The following UGP2 variants were observed in gnomAD, a reference collection of about 807,000 sequenced individuals.
The protein encoded by UGP2 is UDP-glucose pyrophosphorylase 2.
In UGP2, 40 loss-of-function variants were observed where a neutral mutation model predicts 49.0. The ratio of observed to expected loss-of-function variants is 0.82; its 90% CI spans 0.63 to 1.06. The LOEUF is 1.06. UGP2 is among the 50% of genes least tolerant of loss of function. The pLI is 0.00. For missense variants in UGP2, 460 were observed against 603.5 expected, an observed-to-expected ratio of 0.76 and a Z score of 2.49; for synonymous variants, 225 against 213.0, an observed-to-expected ratio of 1.06 and a Z score of -0.49.
intron 2 of UGP2, chr2:63,857,550 AC>A (rs1558939448): frequency 4.2e-6 from 2 of 477,122 alleles, no homozygotes; most frequent in African/African-American, 2.0e-5. Flanking sequence ...TTTTTTGTAG[AC>A]ACCGGGTTTT....
chr2:63,887,513 G>C lies in UGP2; in HGVS notation c.1183G>C (p.Val395Leu). ...INVPRSRFLP[V>L]KTTSDLLLVM... Reference sequence around the variant, plus strand: ...TGTGCCAAGGAGCCGTTTTCTGCCTGTCAAAACCACATCAGATCTCTTGCT... The same window carrying C: ...TGTGCCAAGGAGCCGTTTTCTGCCTCTCAAAACCACATCAGATCTCTTGCT... Residue 395 changes from valine to leucine, a missense_variant, in exon 8 of 10, where the codon GTC (valine) becomes CTC (leucine). Val to Leu is a conservative substitution (Grantham distance 32). Transcript: ENST00000337130. The C allele has an allele frequency of 4.3e-6, 7 of 1,614,068 alleles. No individual in the cohort carries two copies. The highest frequency in any genetic ancestry group is 5.1e-6 in the Non-Finnish European group (6 of 1,180,018).
At chr2:63,863,663 T>A (rs547616762) in intron 3 of UGP2, among the ~76,000 whole-genome samples, 64 of 152,358 alleles carry the variant, frequency 4.2e-4, no homozygotes, top group African/African-American at 1.5e-3. Context: ...AGATACACTA[T>A]TTTTAACTAG....
intron 2 of UGP2, chr2:63,856,954 G>A (rs981111446): frequency 6.2e-5 from 24 of 388,304 alleles, no homozygotes; most frequent in Non-Finnish European, 1.1e-4. Flanking sequence ...ATTTCTTTTT[G>A]TTCTTTTAGT....
chr2:63,852,815 A>C (rs188412017), intron 1 of UGP2, among the ~76,000 whole-genome samples: 30 of 152,330 alleles, frequency 2.0e-4, no homozygotes, highest in Non-Finnish European at 3.7e-4. Context: ...GGAAGAGCCA[A>C]CTGTGACTGT....
At chr2:63,850,495 T>TTTTTTCTATA (rs749584053) in intron 1 of UGP2, among the ~76,000 whole-genome samples, 3 of 152,262 alleles carry the variant, frequency 2.0e-5, no homozygotes, top group Non-Finnish European at 4.4e-5. Context: ...ACATGGAATA[T>TTTTTTCTATA]TTTTTCTATA....
intron 3 of UGP2, among the ~76,000 whole-genome samples, chr2:63,861,570 C>G (rs1272929517): frequency 6.6e-6 from 1 of 150,444 alleles, no homozygotes; most frequent in Non-Finnish European, 1.5e-5. Context: ...TACCTGTAGT[C>G]CCAGCTACTT....
intron 9 of UGP2, 115 bp from the exon 10 acceptor site, chr2:63,891,005 A>T (rs896826001): frequency 2.1e-5 from 14 of 671,768 alleles, no homozygotes; most frequent in Admixed American, 3.4e-5. Flanking sequence ...TATTGTTTAT[A>T]AAAAAAGTTA....
intron 3 of UGP2, among the ~76,000 whole-genome samples, chr2:63,865,293 C>T (rs987584049): frequency 2.0e-5 from 3 of 152,192 alleles, no homozygotes; most frequent in African/African-American, 7.2e-5. Context: ...GGGAAGGAGG[C>T]TGTGGCTGCC....
At chr2:63,879,802 A>G (rs1272723508) in intron 3 of UGP2, among the ~76,000 whole-genome samples, 1 of 152,238 alleles carries the variant, frequency 6.6e-6, no homozygotes. Flanking sequence ...ATTGGAAGAC[A>G]GGCCTGTCCT....
chr2:63,856,142 C>A, intron 1 of UGP2, 164 bp from the exon 2 acceptor site: 2 of 731,160 alleles, frequency 2.7e-6, no homozygotes, highest in Non-Finnish European at 4.2e-6. Flanking sequence ...TGGAGTGAAA[C>A]GAGTCCTAAC....
At chr2:63,864,206 G>T (rs1316220656) in intron 3 of UGP2, among the ~76,000 whole-genome samples, 3 of 152,126 alleles carry the variant, frequency 2.0e-5, no homozygotes, top group African/African-American at 7.2e-5. Flanking sequence ...ATTCATAACA[G>T]ACCTGGAAGA....
At chr2:63,861,835 G>GT (rs1404325678) in intron 3 of UGP2, among the ~76,000 whole-genome samples, 5 of 152,056 alleles carry the variant, frequency 3.3e-5, no homozygotes, top group Non-Finnish European at 7.4e-5. Flanking sequence ...CATCAATGTG[G>GT]TATTTAGCTC....
chr2:63,865,485 G>C (rs908209597), intron 3 of UGP2, among the ~76,000 whole-genome samples: 1 of 151,180 alleles, frequency 6.6e-6, no homozygotes, highest in Non-Finnish European at 1.5e-5. Context: ...CTTCTACCTA[G>C]AGAGAATGAA....
In UGP2 at chr2:63,885,760, G is replaced by A. The variant is rs774542056; in HGVS notation, c.747G>A (p.Val249=). 1.9e-6 allele frequency: 3 copies of A among 1,613,742 alleles called. No individual in the cohort carries two copies. Among genetic ancestry groups the A allele is most frequent in the East Asian group, 2.2e-5 (1 of 44,828 alleles). ...GAGAAGGCAAAGAGTATATTTTTGT[G>A]TCTAACATAGATAATCTGGGTGCCA... ...FIGEGKEYIF[V]SNIDNLGATV... Residue 249 remains valine (V), a synonymous_variant, in exon 6 of 10, where the codon GTG becomes GTA. Coordinates refer to ENST00000337130, the MANE Select transcript of UGP2 (RefSeq NM_006759.4).
At chr2:63,841,065 G>A (rs781097747), upstream of UGP2, 5 of 152,784 alleles carry the variant, frequency 3.3e-5, no homozygotes, top group African/African-American at 4.8e-5. Context: ...GTGGACAAGG[G>A]GGGGTTAGCA....
intron 4 of UGP2, 42 bp from the exon 5 acceptor site, chr2:63,883,890 GAACTAATTTTGCATATTTGAGCAAAAGA>G: frequency 1.3e-6 from 2 of 1,527,328 alleles, no homozygotes; most frequent in South Asian, 2.5e-5. Context: ...TAACCATTAA[GAACTAATTTTGCATATTTGAGCAAAAGA>G]AAAGTGAGTC....
chr2:63,854,563 G>A (rs1263513115), intron 1 of UGP2, among the ~76,000 whole-genome samples: 1 of 22,162 alleles, frequency 4.5e-5, no homozygotes, highest in Non-Finnish European at 7.3e-5. Flanking sequence ...TCCCTGCTCT[G>A]TGCCTCCTGG....
At chr2:63,883,561 A>T (rs926676751) in intron 4 of UGP2, among the ~76,000 whole-genome samples, 2 of 152,222 alleles carry the variant, frequency 1.3e-5, no homozygotes, top group Non-Finnish European at 2.9e-5. Flanking sequence ...AGATGTTAAC[A>T]TAGAGTAAAT....
At chr2:63,842,798 ATTAAGGT>A (rs796429751) in intron 1 of UGP2, among the ~76,000 whole-genome samples, 3 of 152,332 alleles carry the variant, frequency 2.0e-5, no homozygotes, top group South Asian at 4.1e-4. Flanking sequence ...TGAAAAGATG[ATTAAGGT>A]TCCTTTGAAG....
Sources: allele counts gnomAD v4.1 joint callset (sites outside exome capture counted in the v4.1 genomes callset), GRCh38; gene constraint gnomAD v4.1.1; transcripts MANE v1.5; gene names NCBI Gene and HGNC (gene_info 2026-07-23, HGNC 2026-07-21).